BIRC3: variants seen among roughly 807,000 people sequenced by gnomAD.
BIRC3 encodes baculoviral IAP repeat-containing protein 3.
A neutral mutation model predicts 59.0 loss-of-function variants in BIRC3; 26 were observed. The observed-to-expected ratio is 0.44, with a 90% confidence interval of 0.32 to 0.61. The LOEUF (loss-of-function observed/expected upper bound fraction) is 0.61, where lower values mean the gene tolerates loss of function less well. Ranked by LOEUF, BIRC3 falls within the 20% of genes least tolerant of loss-of-function variation. The pLI is 0.04. For synonymous variants in BIRC3, 243 were observed against 249.2 expected, an observed-to-expected ratio of 0.98 and a Z score of 0.24; for missense variants, 641 against 711.5, an observed-to-expected ratio of 0.90 and a Z score of 1.13.
At chr11:102,321,052 A>T (rs980446447) in intron 1 of BIRC3, among the ~76,000 whole-genome samples, 1 of 152,238 alleles carries the variant, frequency 6.6e-6, no homozygotes, top group Non-Finnish European at 1.5e-5. Context: ...AAGATTTAAA[A>T]ATACTGTGGT....
intron 1 of BIRC3, among the ~76,000 whole-genome samples, chr11:102,318,088 C>G (rs1950990691): frequency 6.6e-6 from 1 of 152,116 alleles, no homozygotes; most frequent in Admixed American, 6.5e-5. Context: ...GTACCTGATG[C>G]TAACGTAACA....
chr11:102,327,598 C>T (rs540586547), intron 3 of BIRC3, among the ~76,000 whole-genome samples: 1 of 152,152 alleles, frequency 6.6e-6, no homozygotes, highest in Admixed American at 6.5e-5. Context: ...TGAGATCATC[C>T]CACTGCCCTC....
intron 3 of BIRC3, chr11:102,326,699 T>G (rs1951084621): frequency 2.2e-6 from 1 of 454,508 alleles, no homozygotes; most frequent in Non-Finnish European, 4.4e-6. Context: ...TAACTTATTT[T>G]GATTACTTTT....
rs1341226781 is a variant in BIRC3 at position 102,324,646 on chromosome 11, C to G, written c.137C>G (p.Ser46Ter). ...YSTFPAGVPV[S>*]ERSLARAGFY... ...ACTTTTCCTGCTGGGGTTCCTGTCT[C>G]AGAAAGGAGTCTTGCTCGTGCTGGT... Residue 46 changes from serine to a stop codon, truncating the protein, a stop_gained, in exon 2 of 9, where the codon TCA becomes TGA. Coordinates refer to ENST00000263464, the MANE Select transcript of BIRC3 (RefSeq NM_001165.5). LOFTEE classifies it high-confidence loss of function. 1 of 1,614,172 alleles carries G rather than the reference C, an allele frequency of 6.2e-7. No homozygotes were observed. The highest frequency in any genetic ancestry group is 8.5e-7 in the Non-Finnish European group (1 of 1,180,022).
chr11:102,317,932 C>G (rs1950987507), intron 1 of BIRC3, among the ~76,000 whole-genome samples: 1 of 152,220 alleles, frequency 6.6e-6, no homozygotes, highest in African/African-American at 2.4e-5. Context: ...AGCTCTGGCA[C>G]AGGAAGGAAG....
At position 102,324,763 on chromosome 11, in the gene BIRC3, A is replaced by G. The variant is rs1204767907; in HGVS notation, c.254A>G (p.Lys85Arg). 1 of 1,614,236 alleles carries G rather than the reference A, an allele frequency of 6.2e-7. No homozygotes were observed. Among genetic ancestry groups the G allele is most frequent in the Non-Finnish European group, 8.5e-7 (1 of 1,180,038 alleles). Residue 85 changes from lysine to arginine, a missense_variant, in exon 2 of 9, where the codon AAG becomes AGG. Coordinates refer to ENST00000263464, the MANE Select transcript of BIRC3 (RefSeq NM_001165.5). ...AAAAGAGGAGACAGTCCTACTGAAAAGCATAAAAAGTTGTATCCTAGCTGC... is the reference window on the plus strand; with the variant it reads ...AAAAGAGGAGACAGTCCTACTGAAAGGCATAAAAAGTTGTATCCTAGCTGC... Reference protein sequence around the residue: ...NWKRGDSPTEKHKKLYPSCRF... With the variant: ...NWKRGDSPTERHKKLYPSCRF...
chr11:102,332,420 C>G (rs1951152764), intron 6 of BIRC3, among the ~76,000 whole-genome samples: 1 of 152,126 alleles, frequency 6.6e-6, no homozygotes, highest in Admixed American at 6.5e-5. Flanking sequence ...CTCTTAGTGC[C>G]CCCGGGCTCA....
intron 1 of BIRC3, among the ~76,000 whole-genome samples, chr11:102,319,089 G>A (rs1951004054): frequency 6.8e-6 from 1 of 146,890 alleles, no homozygotes; most frequent in African/African-American, 2.5e-5. Context: ...TGTCACCCAG[G>A]CTGGAGTGCA....
chr11:102,326,645 C>A (rs1047684001), intron 3 of BIRC3: 1 of 440,882 alleles, frequency 2.3e-6, no homozygotes, highest in Non-Finnish European at 4.5e-6. Flanking sequence ...TGTTTTTTTT[C>A]TAAATGGGAA....
Position 102,321,959 on chromosome 11 carries a change from T to G in BIRC3, c.-2551T>G, listed in dbSNP as rs964906122. ...ACTTAGTCTAATCTCGGGAGGTAGT[T>G]TTGTGCATGGGTAAACAAATTAAGT... On this transcript the variant is annotated 5_prime_UTR_variant, in exon 2 of 9. Coordinates refer to ENST00000263464, the MANE Select transcript of BIRC3 (RefSeq NM_001165.5). The G allele has an allele frequency of 5.2e-6, 1 of 191,304 alleles. No homozygotes were observed. Among genetic ancestry groups the G allele is most frequent in the Non-Finnish European group, 1.1e-5 (1 of 91,190 alleles). The allele number at this position is 191,304 out of a possible 1,614,324, so 11.9% of individuals were successfully genotyped here.
rs1951073077 is a variant in BIRC3, at chr11:102,325,478, A to G, written c.866A>G (p.Asp289Gly). ...AGFYYVGNSD[D>G]VKCFCCDGGL... is the part of the protein sequence containing the mutation. The stretch of plus-strand genomic sequence containing the variant: ...AAATTAATTTTAGGTAACAGTGATG[A>G]TGTCAAATGCTTTTGCTGTGATGGT... The change falls in exon 3 of 9, where the codon GAT (aspartate) becomes GGT (glycine). Residue 289 changes from aspartate to glycine, a missense_variant. Physicochemically the swap from Asp to Gly is moderately conservative, Grantham distance 94. Transcript: ENST00000263464. The G allele has an allele frequency of 6.2e-7, 1 of 1,612,050 alleles. No individual in the cohort carries two copies. Among genetic ancestry groups the G allele is most frequent in the Non-Finnish European group, 8.5e-7 (1 of 1,178,946 alleles).
In BIRC3 at chr11:102,325,014, G is replaced by A; in HGVS notation, c.505G>A (p.Glu169Lys). ...RSSYHCAMNN[E>K]NARLLTFQTW... The stretch of plus-strand genomic sequence containing the variant: ...TTCCTACCACTGTGCAATGAATAAC[G>A]AAAATGCCAGATTACTTACTTTTCA... Residue 169 changes from glutamate to lysine, a missense_variant, in exon 2 of 9, where the codon GAA (glutamate) becomes AAA (lysine). By Grantham distance (56) the Glu-to-Lys change is moderately conservative. Around this residue, in one of 4 missense-constraint regions of BIRC3, gnomAD observed 329 missense variants for 365.6 expected, o/e 0.90. Transcript: ENST00000263464. 2.5e-6 allele frequency: 4 copies of A among 1,614,146 alleles called. No homozygotes were observed. Among genetic ancestry groups the A allele is most frequent in the Non-Finnish European group, 3.4e-6 (4 of 1,180,014 alleles).
At chr11:102,319,562 C>T (rs1250102184) in intron 1 of BIRC3, among the ~76,000 whole-genome samples, 4 of 152,164 alleles carry the variant, frequency 2.6e-5, no homozygotes, top group Admixed American at 2.0e-4. Flanking sequence ...TGAGCCAAAA[C>T]GGCTTGGATA....
intron 3 of BIRC3, 118 bp downstream of exon 3, chr11:102,325,683 T>A: frequency 5.3e-6 from 5 of 949,508 alleles, no homozygotes; most frequent in Non-Finnish European, 6.0e-6. Context: ...TGTGAATAAG[T>A]TTAGGATGGA....
chr11:102,329,858 G>A (rs1951122380), intron 5 of BIRC3, among the ~76,000 whole-genome samples: 1 of 151,930 alleles, frequency 6.6e-6, no homozygotes, highest in Admixed American at 6.6e-5. Flanking sequence ...AACGGGTGCA[G>A]CACACCAACA....
intron 3 of BIRC3, among the ~76,000 whole-genome samples, chr11:102,327,565 G>T (rs918108073): frequency 6.6e-6 from 1 of 151,994 alleles, no homozygotes; most frequent in African/African-American, 2.4e-5. Context: ...ACTTGAACCT[G>T]GGAGGCAGAG....
At chr11:102,319,287 C>G (rs1271328154) in intron 1 of BIRC3, among the ~76,000 whole-genome samples, 7 of 151,866 alleles carry the variant, frequency 4.6e-5, no homozygotes, top group African/African-American at 1.2e-4. Context: ...ACCTCGTGAT[C>G]CACTCGCCTC....
At chr11:102,334,208 G>A (rs1308989273) in intron 6 of BIRC3, among the ~76,000 whole-genome samples, 1 of 151,988 alleles carries the variant, frequency 6.6e-6, no homozygotes. Context: ...TCCCTACTTT[G>A]CTAATAGAAA....
At chr11:102,334,670 T>A (rs989863134) in intron 6 of BIRC3, among the ~76,000 whole-genome samples, 2 of 152,196 alleles carry the variant, frequency 1.3e-5, no homozygotes, top group African/African-American at 4.8e-5. Context: ...GTAAGCTATA[T>A]GAAAATTAAT....
Sources: allele counts gnomAD v4.1 joint callset (sites outside exome capture counted in the v4.1 genomes callset), GRCh38; gene constraint gnomAD v4.1.1; regional missense constraint gnomAD v4.1.1; transcripts MANE v1.5; gene names NCBI Gene and HGNC (gene_info 2026-07-23, HGNC 2026-07-21).